Variants in BRCA1 observed in about 807,000 individuals in gnomAD.
BRCA1 encodes BRCA1 DNA repair associated, also known as breast cancer type 1 susceptibility protein.
In BRCA1, 140 loss-of-function variants were observed where a neutral mutation model predicts 173.7. The ratio of observed to expected loss-of-function variants is 0.81; its 90% confidence interval spans 0.70 to 0.93. The LOEUF is 0.93. Among genes scored for constraint, BRCA1 ranks in the 40% least tolerant of loss-of-function variants. The probability of loss-of-function intolerance (pLI) is 0.00; values close to 1 mark genes in which losing one functional copy is unlikely to be tolerated. For missense variants in BRCA1, 1,983 were observed against 2,172.5 expected, an observed-to-expected ratio of 0.91 and a Z score of 1.73; for synonymous variants, 662 against 756.0, an observed-to-expected ratio of 0.88 and a Z score of 2.04.
chr17:43,081,894 GTTCTT>G (rs1223902847), intron 12 of BRCA1, among the ~76,000 whole-genome samples: 1 of 152,094 alleles, frequency 6.6e-6, no homozygotes, highest in Admixed American at 6.6e-5. Context: ...TTTCTGTGTT[GTTCTT>G]TTCTTTTCCT....
At chr17:43,049,065 T>C in intron 21 of BRCA1, 56 bp downstream of exon 21, 3 of 1,548,642 alleles carry the variant, frequency 1.9e-6, no homozygotes, top group Non-Finnish European at 2.7e-6. Context: ...GTGCCAGTCT[T>C]GCTCACAGGA....
At chr17:43,153,898 A>T (rs1359725716) in intron 1 of BRCA1, among the ~76,000 whole-genome samples, 1 of 152,212 alleles carries the variant, frequency 6.6e-6, no homozygotes, top group African/African-American at 2.4e-5. Context: ...GAAAATAATA[A>T]GCTTAAGGCT....
At chr17:43,144,194 G>C (rs2056101239) in intron 1 of BRCA1, 2 of 296,210 alleles carry the variant, frequency 6.8e-6, no homozygotes, top group Non-Finnish European at 1.4e-5. Flanking sequence ...CTGCACTCCA[G>C]CCTGGGTGAC....
intron 6 of BRCA1, among the ~76,000 whole-genome samples, chr17:43,102,503 C>A (rs997611928): frequency 2.0e-5 from 3 of 151,584 alleles, no homozygotes; most frequent in African/African-American, 7.3e-5. Flanking sequence ...ATTACAGGCA[C>A]GTGCCACCAC....
At chr17:43,096,571 CAAAA>C (rs34226398) in intron 8 of BRCA1, among the ~76,000 whole-genome samples, 10 of 89,556 alleles carry the variant, frequency 1.1e-4, no homozygotes, top group African/African-American at 2.8e-4. Flanking sequence ...ACCCCGTCTC[CAAAA>C]AAAAAAAAAA....
rs1555592050 is a variant in BRCA1 at position 43,094,278 on chromosome 17, T to G, written c.1253A>C (p.Glu418Ala). Residue 418 changes from glutamate to alanine, a missense_variant, in exon 10 of 23, where the codon GAG (glutamate) becomes GCG (alanine). Transcript: ENST00000357654. ...TGAAGAACCAGAATATTCATCTACC[T>G]CATTTAGAACGTCCAATACATCAGC... ...KVADVLDVLNEVDEYSGSSEK... is the reference protein window; with the variant it reads ...KVADVLDVLNAVDEYSGSSEK... 8.7e-6 allele frequency: 14 copies of G among 1,614,180 alleles called. No homozygotes were observed. The highest frequency in any genetic ancestry group is 1.2e-5 in the Non-Finnish European group (14 of 1,180,038).
At chr17:43,104,391 AT>A in intron 5 of BRCA1, 130 bp from the exon 6 acceptor site, 4 of 1,052,052 alleles carry the variant, frequency 3.8e-6, no homozygotes, top group Non-Finnish European at 5.4e-6. Flanking sequence ...GTTACCTGTG[AT>A]TTTTTTTAAA....
At chr17:43,133,558 G>A (rs1597931457) in intron 1 of BRCA1, among the ~76,000 whole-genome samples, 1 of 151,866 alleles carries the variant, frequency 6.6e-6, no homozygotes, top group East Asian at 1.9e-4. Context: ...CCCTTCCTGC[G>A]CTGGCCTCCA....
At chr17:43,146,718 A>C (rs572962476) in intron 1 of BRCA1, among the ~76,000 whole-genome samples, 1 of 152,152 alleles carries the variant, frequency 6.6e-6, no homozygotes, top group Non-Finnish European at 1.5e-5. Context: ...AAGTAATTTT[A>C]CAGGAGGCCT....
chr17:43,128,872 G>A (rs1234419264), upstream of BRCA1, among the ~76,000 whole-genome samples: 1 of 148,788 alleles, frequency 6.7e-6, no homozygotes, highest in Non-Finnish European at 1.5e-5. Context: ...AGCCCAGGCT[G>A]GTCTTGAACT....
chr17:43,154,485 A>AAAT (rs1282995050), intron 1 of BRCA1, among the ~76,000 whole-genome samples: 1 of 151,938 alleles, frequency 6.6e-6, no homozygotes, highest in Non-Finnish European at 1.5e-5. Context: ...CTCCATCTCA[A>AAAT]AATAATAATA....
At chr17:43,072,127 C>T (rs1380487535) in intron 14 of BRCA1, among the ~76,000 whole-genome samples, 2 of 152,048 alleles carry the variant, frequency 1.3e-5, no homozygotes, top group South Asian at 2.1e-4. Flanking sequence ...GTGGCTCAGG[C>T]CTGTAATCCC....
intron 11 of BRCA1, 120 bp from the exon 12 acceptor site, chr17:43,082,695 A>T: frequency 9.2e-7 from 1 of 1,089,602 alleles, no homozygotes; most frequent in Non-Finnish European, 1.4e-6. Context: ...GTATGGAACT[A>T]CAAGTTCTAG....
At chr17:43,113,086 A>G (rs894589945) in intron 3 of BRCA1, among the ~76,000 whole-genome samples, 1 of 152,146 alleles carries the variant, frequency 6.6e-6, no homozygotes, top group Non-Finnish European at 1.5e-5. Context: ...TAGAGGCGTG[A>G]GCCACCGTGC....
In BRCA1 at chr17:43,044,528, GA is replaced by G. The variant is rs1300975591; in HGVS notation, c.*1149del. 8 of 506,122 alleles carry G rather than the reference GA, an allele frequency of 1.6e-5. No individual in the cohort carries two copies. Among genetic ancestry groups the G allele is most frequent in the African/African-American group, 9.6e-5 (5 of 52,176 alleles). 31.4% of individuals were successfully genotyped at this position (506,122 alleles called of 1,614,324 possible). ...ATGGTTTCAGCAACAGGGAGCAAAG[GA>G]AAAAAATCACCTCAAAGAAAGCAAC... On this transcript the variant is annotated 3_prime_UTR_variant, in exon 23 of 23. Coordinates refer to ENST00000357654, the MANE Select transcript of BRCA1 (RefSeq NM_007294.4).
intron 20 of BRCA1, chr17:43,050,037 A>G (rs1421517134): frequency 2.5e-6 from 1 of 398,536 alleles, no homozygotes; most frequent in Admixed American, 4.4e-5. Context: ...TTGATAACTA[A>G]TAAAGAGGAT....
chr17:43,150,045 C>T (rs990768207), intron 1 of BRCA1, among the ~76,000 whole-genome samples: 3 of 152,166 alleles, frequency 2.0e-5, no homozygotes, highest in African/African-American at 7.2e-5. Flanking sequence ...CACCTCAAGC[C>T]TCCCAAAGTG....
chr17:43,132,671 G>A (rs556451884), intron 1 of BRCA1: 1 of 150,866 alleles, frequency 6.6e-6, no homozygotes, highest in African/African-American at 2.4e-5. Context: ...CTCTGCCTCC[G>A]GGTTCAAGCA....
chr17:43,108,189 T>C (rs1042949810), intron 3 of BRCA1, among the ~76,000 whole-genome samples: 1 of 149,174 alleles, frequency 6.7e-6, no homozygotes, highest in Non-Finnish European at 1.5e-5. Flanking sequence ...TATTCAAAAA[T>C]TAGCTGGGTG....
Sources: allele counts gnomAD v4.1 joint callset (sites outside exome capture counted in the v4.1 genomes callset), GRCh38; gene constraint gnomAD v4.1.1; transcripts MANE v1.5; gene names NCBI Gene and HGNC (gene_info 2026-07-23, HGNC 2026-07-21).